Variants in BANK1 observed in about 807,000 individuals in gnomAD.
The protein encoded by BANK1 is B-cell scaffold protein with ankyrin repeats.
BANK1 carries 95 observed loss-of-function variants against 94.5 expected under a neutral mutation model. That is an observed-to-expected ratio of 1.00 (90% confidence interval 0.85 to 1.19). BANK1 has a LOEUF of 1.19. BANK1 is among the 50% of genes most tolerant of loss of function. The pLI is 0.00. For missense variants in BANK1, 987 were observed against 932.2 expected, an observed-to-expected ratio of 1.06 and a Z score of -0.77; for synonymous variants, 334 against 308.4, an observed-to-expected ratio of 1.08 and a Z score of -0.87.
intron 11 of BANK1, among the ~76,000 whole-genome samples, chr4:102,055,415 C>T (rs1341398397): frequency 1.3e-5 from 2 of 151,850 alleles, no homozygotes; most frequent in African/African-American, 4.8e-5. Context: ...TAGAGGTATT[C>T]GTGTTAGGGA....
At chr4:101,798,368 G>A (rs563625769) in intron 1 of BANK1, among the ~76,000 whole-genome samples, 1 of 152,168 alleles carries the variant, frequency 6.6e-6, no homozygotes, top group African/African-American at 2.4e-5. Context: ...GTTCTCAAAA[G>A]CCGATGGCGT....
chr4:101,968,627 C>T (rs562648368), intron 7 of BANK1, among the ~76,000 whole-genome samples: 12 of 151,700 alleles, frequency 7.9e-5, no homozygotes, highest in South Asian at 2.1e-4. Context: ...TCCCAGAGAA[C>T]GAAAGTACAA....
At chr4:102,007,146 T>A (rs2850388) in intron 7 of BANK1, among the ~76,000 whole-genome samples, 831 of 36,854 alleles carry the variant, frequency 0.023, 29 homozygotes, top group African/African-American at 0.027. Flanking sequence ...AAAATATATT[T>A]TATATATATA....
chr4:101,828,629 T>A (rs1726473765), intron 1 of BANK1, among the ~76,000 whole-genome samples: 1 of 152,064 alleles, frequency 6.6e-6, no homozygotes. Context: ...CCATGTTGCA[T>A]GTAGCATTGT....
intron 7 of BANK1, among the ~76,000 whole-genome samples, chr4:101,982,338 A>G (rs1725350538): frequency 6.6e-6 from 1 of 151,938 alleles, no homozygotes; most frequent in Non-Finnish European, 1.5e-5. Context: ...TTGATGGTCT[A>G]TGACTCTGAC....
In BANK1 at chr4:101,830,208, T is replaced by C. The variant is rs781104683; in HGVS notation, c.469+2T>C. 2 of 1,489,500 alleles carry C rather than the reference T, an allele frequency of 1.3e-6. No homozygotes were observed. The highest frequency in any genetic ancestry group is 1.4e-5 in the African/African-American group (1 of 69,596). 92.3% of individuals were successfully genotyped at this position (1,489,500 alleles called of 1,614,324 possible). On this transcript the variant is annotated splice_donor_variant, in intron 2 of 16. Transcript: ENST00000322953. LOFTEE classifies it high-confidence loss of function. ...TAATCCAGAGTATCATATTCAAAGG[T>C]AGTGTTGCCAAACCTTGTTTGTTTT...
intron 4 of BANK1, among the ~76,000 whole-genome samples, chr4:101,864,698 A>G (rs946131914): frequency 6.6e-6 from 1 of 152,196 alleles, no homozygotes; most frequent in Non-Finnish European, 1.5e-5. Flanking sequence ...TCAGAAATGA[A>G]GACCCAAGGA....
intron 13 of BANK1, among the ~76,000 whole-genome samples, chr4:102,063,548 G>A (rs1272623481): frequency 6.6e-6 from 1 of 151,882 alleles, no homozygotes; most frequent in Non-Finnish European, 1.5e-5. Context: ...TCAAGGCCAG[G>A]CATGATGGCC....
At chr4:101,990,030 A>T (rs2148931523) in intron 7 of BANK1, among the ~76,000 whole-genome samples, 1 of 152,308 alleles carries the variant, frequency 6.6e-6, no homozygotes, top group East Asian at 1.9e-4. Flanking sequence ...GAAAGACACT[A>T]ATTAAGCTGA....
intron 3 of BANK1, among the ~76,000 whole-genome samples, chr4:101,860,553 C>T (rs2148876629): frequency 6.6e-6 from 1 of 152,180 alleles, no homozygotes; most frequent in Admixed American, 6.5e-5. Context: ...GCCTCAGCCT[C>T]CTGAGGAGCT....
chr4:101,794,391 TGA>T (rs992034834), intron 1 of BANK1, among the ~76,000 whole-genome samples: 10 of 152,176 alleles, frequency 6.6e-5, no homozygotes, highest in Admixed American at 1.3e-4. Context: ...CAAAAATAAA[TGA>T]CATGTTTTAA....
At chr4:101,821,894 C>T (rs1726164658) in intron 1 of BANK1, among the ~76,000 whole-genome samples, 2 of 152,272 alleles carry the variant, frequency 1.3e-5, no homozygotes, top group Non-Finnish European at 2.9e-5. Flanking sequence ...CCCTATCATT[C>T]TTTCTTCTCA....
At chr4:102,072,794 T>A (rs937431394) in intron 15 of BANK1, among the ~76,000 whole-genome samples, 1 of 152,224 alleles carries the variant, frequency 6.6e-6, no homozygotes, top group South Asian at 2.1e-4. Flanking sequence ...TATTATTGAT[T>A]TAAATATGCA....
intron 7 of BANK1, among the ~76,000 whole-genome samples, chr4:102,007,085 TA>T (rs1459340521): frequency 9.1e-6 from 1 of 110,486 alleles, no homozygotes; most frequent in African/African-American, 3.5e-5. Flanking sequence ...TATATAAATA[TA>T]TATATAATAT....
intron 7 of BANK1, among the ~76,000 whole-genome samples, chr4:102,012,682 C>G (rs958350086): frequency 1.3e-5 from 2 of 152,040 alleles, no homozygotes; most frequent in Non-Finnish European, 2.9e-5. Context: ...GTTGCTTGCT[C>G]CTCTGTGTTT....
At chr4:101,923,705 G>A (rs1377829497) in intron 7 of BANK1, among the ~76,000 whole-genome samples, 2 of 151,810 alleles carry the variant, frequency 1.3e-5, no homozygotes, top group African/African-American at 4.8e-5. Flanking sequence ...AAAGGTGAAG[G>A]ATGCATATGG....
intron 1 of BANK1, among the ~76,000 whole-genome samples, chr4:101,802,281 T>C (rs2148850720): frequency 6.6e-6 from 1 of 152,366 alleles, no homozygotes; most frequent in East Asian, 1.9e-4. Context: ...GAGTAATAGT[T>C]GATATAGTTC....
intron 5 of BANK1, among the ~76,000 whole-genome samples, chr4:101,889,875 C>G (rs2148888991): frequency 6.6e-6 from 1 of 152,134 alleles, no homozygotes; most frequent in Admixed American, 6.5e-5. Flanking sequence ...CACTTTCATT[C>G]AGTTTAATGT....
rs141213508 is a variant in BANK1, at chr4:101,812,040, T to C, written c.71-17768T>C. 5.9e-5 allele frequency among the ~76,000 whole-genome samples: 9 copies of C among 152,104 alleles called. No individual in the cohort carries two copies. The East Asian group carries it at 1.7e-3, about 29-fold the overall frequency. On this transcript the variant is annotated intron_variant, in intron 1 of 16. Transcript: ENST00000322953. The stretch of plus-strand genomic sequence containing the variant: ...AAAGTTTAAGTGATTAGAGAATTAA[T>C]ATTGAGGTTTTTTATCAACATTATA...
Sources: allele counts gnomAD v4.1 joint callset (sites outside exome capture counted in the v4.1 genomes callset), GRCh38; gene constraint gnomAD v4.1.1; transcripts MANE v1.5; gene names NCBI Gene and HGNC (gene_info 2026-07-23, HGNC 2026-07-21).